Variants in RPS6KA2 observed in about 807,000 individuals in gnomAD.
RPS6KA2 encodes ribosomal protein S6 kinase A2.
RPS6KA2 carries 42 observed loss-of-function variants against 91.8 expected under a neutral mutation model. The ratio of observed to expected loss-of-function variants is 0.46; its 90% confidence interval spans 0.36 to 0.59. The LOEUF is 0.59. Among genes scored for constraint, RPS6KA2 ranks in the 20% least tolerant of loss-of-function variants. The pLI, the probability that RPS6KA2 is intolerant of heterozygous loss-of-function variation, is 0.00. For synonymous variants in RPS6KA2, 414 were observed against 393.6 expected, an observed-to-expected ratio of 1.05 and a Z score of -0.61; for missense variants, 798 against 978.5, an observed-to-expected ratio of 0.82 and a Z score of 2.46.
intron 1 of RPS6KA2, among the ~76,000 whole-genome samples, chr6:166,610,591 T>C (rs1223030957): frequency 6.6e-6 from 1 of 152,212 alleles, no homozygotes; most frequent in Non-Finnish European, 1.5e-5. Flanking sequence ...CCAGGGCCCC[T>C]CAGGAGTCTT....
At chr6:166,498,042 C>T (rs577787159) in intron 8 of RPS6KA2, among the ~76,000 whole-genome samples, 2 of 152,148 alleles carry the variant, frequency 1.3e-5, no homozygotes, top group South Asian at 2.1e-4. Flanking sequence ...GGAGAAGACC[C>T]AGTCCAAACT....
intron 2 of RPS6KA2, among the ~76,000 whole-genome samples, chr6:166,833,884 T>TC (rs1780250141): frequency 6.6e-6 from 1 of 151,742 alleles, no homozygotes; most frequent in Non-Finnish European, 1.5e-5. Context: ...TTCCTTTTCT[T>TC]CTTTCTTTCT....
chr6:166,791,193 A>T (rs1343913283), intron 2 of RPS6KA2, among the ~76,000 whole-genome samples: 1 of 152,250 alleles, frequency 6.6e-6, no homozygotes, highest in Non-Finnish European at 1.5e-5. Context: ...TGGAAAACAA[A>T]AAAAAAGCAA....
intron 2 of RPS6KA2, among the ~76,000 whole-genome samples, chr6:166,802,510 A>G (rs934209880): frequency 9.9e-5 from 15 of 152,236 alleles, no homozygotes; most frequent in African/African-American, 3.4e-4. Context: ...AAGCTCTCAC[A>G]TAACAGTGAG....
chr6:166,521,079 C>G (rs577095059), intron 3 of RPS6KA2, among the ~76,000 whole-genome samples: 4 of 152,376 alleles, frequency 2.6e-5, no homozygotes, highest in Non-Finnish European at 5.9e-5. Context: ...CCCTGGTGCC[C>G]TGTGAGCCCC....
At chr6:166,724,499 C>T (rs567778705) in intron 2 of RPS6KA2, among the ~76,000 whole-genome samples, 1 of 152,048 alleles carries the variant, frequency 6.6e-6, no homozygotes, top group Non-Finnish European at 1.5e-5. Flanking sequence ...CTTTCACAGA[C>T]ACATTATTTA....
chr6:166,439,629 G>C (rs1031355850), intron 14 of RPS6KA2, among the ~76,000 whole-genome samples: 10 of 152,352 alleles, frequency 6.6e-5, no homozygotes, highest in African/African-American at 1.7e-4. Context: ...CCATGCAGGG[G>C]GAACGTGCCA....
At chr6:166,569,845 TC>T (rs1245690894) in intron 1 of RPS6KA2, among the ~76,000 whole-genome samples, 3 of 152,152 alleles carry the variant, frequency 2.0e-5, no homozygotes, top group Non-Finnish European at 4.4e-5. Context: ...CAAAGCGTCT[TC>T]CCCTCGTCCT....
rs1030359438 is a variant in RPS6KA2 at position 166,604,940 on chromosome 6, T to C, written c.99+21981A>G. ...TGCTTATTAAGACTTAATCCAATTATATTATCGGGATTGATATCTATAAGT... is the reference window on the plus strand; with the variant it reads ...TGCTTATTAAGACTTAATCCAATTACATTATCGGGATTGATATCTATAAGT... On this transcript the variant is annotated intron_variant, in intron 1 of 20. Coordinates refer to ENST00000265678, the MANE Select transcript of RPS6KA2 (RefSeq NM_021135.6). Among the ~76,000 whole-genome samples, 3 of 152,214 alleles carry C rather than the reference T, an allele frequency of 2.0e-5. No individual in the cohort carries two copies. The South Asian group carries it at 6.2e-4, about 32-fold the overall frequency.
At chr6:166,823,829 A>C (rs1411581123) in intron 2 of RPS6KA2, among the ~76,000 whole-genome samples, 4 of 152,234 alleles carry the variant, frequency 2.6e-5, no homozygotes, top group Non-Finnish European at 5.9e-5. Context: ...ATCCCCATTC[A>C]ACTGGCAAAA....
At chr6:166,786,663 A>C (rs1201056410) in intron 2 of RPS6KA2, among the ~76,000 whole-genome samples, 1 of 152,208 alleles carries the variant, frequency 6.6e-6, no homozygotes, top group East Asian at 1.9e-4. Context: ...TACTTTTAAA[A>C]GATGCATACC....
chr6:166,480,264 G>T (rs1781142171), intron 10 of RPS6KA2, among the ~76,000 whole-genome samples: 1 of 151,830 alleles, frequency 6.6e-6, no homozygotes, highest in African/African-American at 2.4e-5. Flanking sequence ...AAATGGGCTA[G>T]ACCTCCATGA....
chr6:166,696,037 C>T (rs1025396431), intron 2 of RPS6KA2, among the ~76,000 whole-genome samples: 2 of 152,226 alleles, frequency 1.3e-5, no homozygotes, highest in Non-Finnish European at 2.9e-5. Context: ...AACATTTTCC[C>T]TCCCTGCACT....
In RPS6KA2 at chr6:166,733,662, G is replaced by A. The variant is rs1044473424; in HGVS notation, c.123+124538C>T. ...AACACGGAGGTCACTAGCATCCCTC[G>A]TGGACAGTTTCCATGGAATGTCCCA... is the stretch of plus-strand genomic sequence containing the variant. On this transcript the variant is annotated intron_variant, in intron 2 of 21. Coordinates refer to the RPS6KA2 transcript ENST00000503859. This position sits in a 1 kb window ranked among gnomAD's most constrained non-coding sequence, Gnocchi z 4.1. 2.6e-5 allele frequency among the ~76,000 whole-genome samples: 4 copies of A among 152,276 alleles called. No homozygotes were observed. The highest frequency in any genetic ancestry group is 2.1e-4 in the South Asian group (1 of 4,824).
intron 2 of RPS6KA2, among the ~76,000 whole-genome samples, chr6:166,797,462 C>T (rs1779255469): frequency 6.6e-6 from 1 of 152,122 alleles, no homozygotes; most frequent in Admixed American, 6.5e-5. Context: ...GACTGGAAGC[C>T]TTACTGATAA....
At position 166,508,234 on chromosome 6, in the gene RPS6KA2, C is replaced by T. The variant is rs915792923; in HGVS notation, c.428G>A (p.Gly143Glu). The T allele has an allele frequency of 5.6e-6, 9 of 1,613,708 alleles. No individual in the cohort carries two copies. Among genetic ancestry groups the T allele is most frequent in the Non-Finnish European group, 7.6e-6 (9 of 1,179,582 alleles). The part of the protein sequence containing the change: ...KLYLILDFLR[G>E]GDLFTRLSKE... ...GGAGAGCCGGGTGAAGAGGTCCCCT[C>T]CCCGCAGGAAGTCCAGGATCAGGTA... The change falls in exon 5 of 21, where the codon GGA becomes GAA. Residue 143 changes from glycine (G) to glutamate (E), a missense_variant. Physicochemically the swap from Gly to Glu is moderately conservative, Grantham distance 98. Coordinates refer to ENST00000265678, the MANE Select transcript of RPS6KA2 (RefSeq NM_021135.6). This position sits in a 1 kb window ranked among gnomAD's most constrained non-coding sequence, Gnocchi z 4.3.
chr6:166,619,874 T>G (rs1317921947), intron 1 of RPS6KA2, among the ~76,000 whole-genome samples: 1 of 152,258 alleles, frequency 6.6e-6, no homozygotes, highest in Non-Finnish European at 1.5e-5. Flanking sequence ...TTGGGACCTG[T>G]GCGAGCTTCT....
chr6:166,480,510 TATATAATATA>T (rs1781170644), intron 10 of RPS6KA2, among the ~76,000 whole-genome samples: 18 of 127,394 alleles, frequency 1.4e-4, no homozygotes, highest in South Asian at 9.7e-4. Context: ...TATATATATA[TATATAATATA>T]TTTTTTTTTT....
chr6:166,747,971 A>T (rs1435517925), intron 2 of RPS6KA2, among the ~76,000 whole-genome samples: 1 of 152,162 alleles, frequency 6.6e-6, no homozygotes, highest in Non-Finnish European at 1.5e-5. Flanking sequence ...TGTGCTTGAC[A>T]TTCTGCCCTG....
Sources: gnomAD v4.1 joint callset for allele counts (sites outside exome capture counted in the v4.1 genomes callset) on GRCh38, gnomAD v4.1.1 for gene constraint, Gnocchi (gnomAD v3.1) non-coding constraint, MANE v1.5 for transcripts, NCBI Gene and HGNC (gene_info 2026-07-23, HGNC 2026-07-21) for gene names.